The following PRKCQ variants were observed in gnomAD, a reference collection of about 807,000 sequenced individuals.
PRKCQ encodes protein kinase C theta.
Under a neutral mutation model 91.2 loss-of-function variants are expected in PRKCQ, and 41 were observed. That is an observed-to-expected ratio of 0.45 (90% confidence interval 0.35 to 0.58). The LOEUF is 0.58. PRKCQ is among the 20% of genes least tolerant of loss of function. PRKCQ has a pLI of 0.00. For synonymous variants in PRKCQ, 307 were observed against 316.9 expected (o/e 0.97, Z 0.33); for missense variants, 673 against 896.5 (o/e 0.75, Z 3.18).
chr10:6,496,327 G>A (rs1837598566), intron 7 of PRKCQ, among the ~76,000 whole-genome samples: 2 of 151,478 alleles, frequency 1.3e-5, no homozygotes, highest in Non-Finnish European at 2.9e-5. Context: ...CTGCCCATGT[G>A]CTAGCCCAGT....
At chr10:6,431,996 A>C (rs1357977882) in intron 16 of PRKCQ, among the ~76,000 whole-genome samples, 1 of 152,264 alleles carries the variant, frequency 6.6e-6, no homozygotes, top group Non-Finnish European at 1.5e-5. Flanking sequence ...CAAGGGCATT[A>C]AGAAACAGGA....
intron 4 of PRKCQ, among the ~76,000 whole-genome samples, chr10:6,506,944 GT>G (rs1262441073): frequency 6.6e-6 from 1 of 152,106 alleles, no homozygotes; most frequent in Non-Finnish European, 1.5e-5. Flanking sequence ...TTAGCAATGT[GT>G]TTTCTCACCT....
the PRKCQ span, among the ~76,000 whole-genome samples, chr10:6,417,715 G>T: frequency 6.6e-6 from 1 of 152,210 alleles, no homozygotes. Flanking sequence ...GCACAGCCAG[G>T]TGAGAGTATC....
chr10:6,480,544 A>T (rs3793729), intron 11 of PRKCQ, among the ~76,000 whole-genome samples: 1 of 152,062 alleles, frequency 6.6e-6, no homozygotes, highest in Admixed American at 6.5e-5. Flanking sequence ...GTTTTATTTC[A>T]CAGACATTTA....
chr10:6,437,926 T>C (rs537249838), intron 16 of PRKCQ, among the ~76,000 whole-genome samples: 1 of 152,220 alleles, frequency 6.6e-6, no homozygotes, highest in Non-Finnish European at 1.5e-5. Context: ...GTGCTGGGAT[T>C]ACAGGCGTGA....
At chr10:6,464,574 A>C (rs186144317) in intron 12 of PRKCQ, among the ~76,000 whole-genome samples, 170 bp from the exon 13 acceptor site, 1 of 152,196 alleles carries the variant, frequency 6.6e-6, no homozygotes, top group Non-Finnish European at 1.5e-5. Flanking sequence ...CAGCCTCCCT[A>C]GTAGCTGGGA....
intron 1 of PRKCQ, among the ~76,000 whole-genome samples, chr10:6,522,564 A>G (rs1414538295): frequency 6.6e-6 from 1 of 152,238 alleles, no homozygotes; most frequent in African/African-American, 2.4e-5. Flanking sequence ...AGAAAGCAAT[A>G]GAAGTATAAT....
intron 15 of PRKCQ, among the ~76,000 whole-genome samples, chr10:6,452,260 C>A (rs998720415): frequency 6.6e-6 from 1 of 152,178 alleles, no homozygotes; most frequent in Non-Finnish European, 1.5e-5. Context: ...ACAAAAATCA[C>A]AAGCATTCTT....
chr10:6,499,329 A>G (rs1034199510), intron 4 of PRKCQ, among the ~76,000 whole-genome samples: 6 of 152,194 alleles, frequency 3.9e-5, no homozygotes, highest in African/African-American at 1.4e-4. Context: ...TTGGATAGTC[A>G]CTGTTTACAG....
the PRKCQ span, among the ~76,000 whole-genome samples, chr10:6,412,828 A>C: frequency 6.6e-6 from 1 of 152,242 alleles, no homozygotes; most frequent in Non-Finnish European, 1.5e-5. Flanking sequence ...TTGATCCCTC[A>C]GTGGGCCACT....
At chr10:6,404,956 A>ATCCT in the PRKCQ span, among the ~76,000 whole-genome samples, 1,555 of 139,618 alleles carry the variant, frequency 0.011, 37 homozygotes, top group African/African-American at 0.04. Flanking sequence ...CCTTCCTTCT[A>ATCCT]TCCTTCCTTC....
At chr10:6,565,407 G>A (rs1279448085) in intron 1 of PRKCQ, among the ~76,000 whole-genome samples, 1 of 152,180 alleles carries the variant, frequency 6.6e-6, no homozygotes, top group East Asian at 1.9e-4. Flanking sequence ...TCTTCTCTAT[G>A]AAAATAATAA....
chr10:6,479,823 G>T (rs540944785), intron 11 of PRKCQ, among the ~76,000 whole-genome samples: 1 of 151,458 alleles, frequency 6.6e-6, no homozygotes, highest in South Asian at 2.1e-4. Flanking sequence ...CATGGTGGTG[G>T]GTGCCTGTAG....
At chr10:6,501,785 T>C (rs1837929185) in intron 4 of PRKCQ, among the ~76,000 whole-genome samples, 1 of 151,682 alleles carries the variant, frequency 6.6e-6, no homozygotes, top group African/African-American at 2.4e-5. Flanking sequence ...CATAGCACCA[T>C]TGCACTCCAG....
chr10:6,460,554 T>C (rs1835266329), intron 14 of PRKCQ, among the ~76,000 whole-genome samples: 2 of 152,044 alleles, frequency 1.3e-5, no homozygotes, highest in South Asian at 4.1e-4. Context: ...TGCAATGGTG[T>C]GATCTCAGCT....
intron 1 of PRKCQ, 193 bp from the exon 2 acceptor site, chr10:6,515,337 A>G: frequency 6.7e-7 from 1 of 1,486,180 alleles, no homozygotes; most frequent in Non-Finnish European, 8.8e-7. Flanking sequence ...CCACACACTG[A>G]CTTGCTGAGG....
chr10:6,551,031 C>T (rs778593492), intron 1 of PRKCQ, among the ~76,000 whole-genome samples: 8 of 152,034 alleles, frequency 5.3e-5, no homozygotes, highest in Non-Finnish European at 7.4e-5. Context: ...TTCAGGGGTA[C>T]GCCTGCAGGT....
chr10:6,546,406 G>A (rs1030166303), intron 1 of PRKCQ, among the ~76,000 whole-genome samples: 5 of 152,140 alleles, frequency 3.3e-5, no homozygotes, highest in Admixed American at 1.3e-4. Context: ...TTTCAGCGTG[G>A]TGCAAGGAAT....
At chr10:6,437,776 C>G (rs757946705) in intron 16 of PRKCQ, among the ~76,000 whole-genome samples, 1 of 151,844 alleles carries the variant, frequency 6.6e-6, no homozygotes, top group Non-Finnish European at 1.5e-5. Flanking sequence ...CTCAGCCTCC[C>G]AAGTAGCTGG....
Sources: gnomAD v4.1 joint callset for allele counts (sites outside exome capture counted in the v4.1 genomes callset) on GRCh38, gnomAD v4.1.1 for gene constraint, MANE v1.5 for transcripts, NCBI Gene and HGNC (gene_info 2026-07-23, HGNC 2026-07-21) for gene names.